FBXL13: variants seen among roughly 807,000 people sequenced by gnomAD.
The protein encoded by FBXL13 is F-box and leucine-rich repeat protein 13.
In FBXL13, 67 loss-of-function variants were observed where a neutral mutation model predicts 83.6. The observed-to-expected ratio is 0.80, with a 90% confidence interval of 0.66 to 0.98. The LOEUF is 0.98. FBXL13 is among the 50% of genes least tolerant of loss of function. The pLI, the probability that FBXL13 is intolerant of heterozygous loss-of-function variation, is 0.00. For synonymous variants in FBXL13, 272 were observed against 299.5 expected, an observed-to-expected ratio of 0.91 and a Z score of 0.95; for missense variants, 822 against 866.5, an observed-to-expected ratio of 0.95 and a Z score of 0.64.
At chr7:102,843,930 C>CA (rs1194228425) in intron 17 of FBXL13, among the ~76,000 whole-genome samples, 2 of 152,266 alleles carry the variant, frequency 1.3e-5, no homozygotes, top group East Asian at 3.9e-4. Context: ...AAGCCGAAGT[C>CA]AGATACCTAA....
intron 8 of FBXL13, among the ~76,000 whole-genome samples, chr7:102,955,459 C>G (rs1824098365): frequency 6.6e-6 from 1 of 151,842 alleles, no homozygotes; most frequent in South Asian, 2.1e-4. Context: ...AATCGACACC[C>G]TAACATCACA....
At chr7:102,939,597 TGTATAGCCCCTTC>T in intron 8 of FBXL13, 1 of 1,597,220 alleles carries the variant, frequency 6.3e-7, no homozygotes, top group South Asian at 1.1e-5. Context: ...TAAGTTCCCC[TGTATAGCCCCTTC>T]AATGGGTGGC....
In FBXL13 at chr7:103,019,932, C is replaced by G. The variant is rs149389881; in HGVS notation, c.495+5131G>C. Among the ~76,000 whole-genome samples, 695 of 152,280 alleles carry G rather than the reference C, an allele frequency of 4.6e-3. 3 individuals carry two copies. The highest frequency in any genetic ancestry group is 8.1e-3 in the Non-Finnish European group (554 of 68,008). ...TGGTACCATTCCTTCTGAAACTATT[C>G]CAATCAACAGAAAAAGAGGGAACAA... is the stretch of plus-strand genomic sequence containing the variant. On this transcript the variant is annotated intron_variant, in intron 6 of 19. Transcript: ENST00000313221.
chr7:102,981,405 C>CAAATGCCT (rs1405321800), intron 6 of FBXL13, among the ~76,000 whole-genome samples: 2 of 14,266 alleles, frequency 1.4e-4, no homozygotes, highest in African/African-American at 3.3e-4. Flanking sequence ...ACACCTTTCC[C>CAAATGCCT]CCCCTTACCC....
rs186433647 is a variant in FBXL13 at position 102,944,817 on chromosome 7, T to C, written c.725-12884A>G. The C allele has an allele frequency of 2.0e-4, 99 of 489,784 alleles. No homozygotes were observed. The East Asian group carries it at 3.3e-3, about 17-fold the overall frequency. 30.3% of individuals were successfully genotyped at this position (489,784 alleles called of 1,614,324 possible). ...GCCTGTCCATTTGTGGAACAGCATC[T>C]GGTGATATGCAATTCCACACTGGTA... On this transcript the variant is annotated intron_variant, in intron 8 of 19. Coordinates refer to ENST00000313221, the Ensembl canonical transcript of FBXL13.
intron 3 of FBXL13, among the ~76,000 whole-genome samples, 180 bp downstream of exon 4, chr7:103,029,171 T>C (rs953766904): frequency 6.6e-6 from 1 of 152,024 alleles, no homozygotes; most frequent in Non-Finnish European, 1.5e-5. Flanking sequence ...AGAAGTAAAA[T>C]ACATATTTTA....
chr7:103,028,665 C>A, exon 4 of FBXL13: 1 of 1,603,260 alleles, frequency 6.2e-7, no homozygotes, highest in Non-Finnish European at 8.5e-7. Context: ...TTTTTGAAGT[C>A]TGAAATTGTA....
rs374092263 is a variant in FBXL13, at chr7:102,942,306, C to A, written c.725-10373G>T. 7 of 1,598,386 alleles carry A rather than the reference C, an allele frequency of 4.4e-6. No homozygotes were observed. The East Asian group carries it at 1.6e-4, about 37-fold the overall frequency. On this transcript the variant is annotated intron_variant, in intron 8 of 19. Transcript: ENST00000313221. ...ATATTTCAGGGTCTTTGAGATGAAA[C>A]CCTGCAAGTAGACTTACGTGAATGA...
At chr7:102,983,313 AAAG>A (rs1279111581) in intron 6 of FBXL13, among the ~76,000 whole-genome samples, 21 of 152,262 alleles carry the variant, frequency 1.4e-4, no homozygotes, top group African/African-American at 4.6e-4. Flanking sequence ...TTCCACTAGC[AAAG>A]AAGACTCACC....
chr7:103,044,898 C>T (rs1796114095), intron 2 of FBXL13, among the ~76,000 whole-genome samples: 1 of 152,138 alleles, frequency 6.6e-6, no homozygotes, highest in Non-Finnish European at 1.5e-5. Context: ...TACTATTTGG[C>T]TTACTCACAG....
intron 17 of FBXL13, among the ~76,000 whole-genome samples, chr7:102,853,046 C>G (rs1484139554): frequency 2.0e-5 from 3 of 152,098 alleles, no homozygotes; most frequent in African/African-American, 2.4e-5. Flanking sequence ...AATTGGAGAC[C>G]ATTATTCTAA....
intron 2 of FBXL13, among the ~76,000 whole-genome samples, chr7:103,041,574 T>A (rs563013737): frequency 5.3e-5 from 8 of 152,264 alleles, no homozygotes; most frequent in Admixed American, 3.9e-4. Context: ...AAATCCTTAA[T>A]AAAATACTGG....
chr7:103,008,837 C>T (rs1282499923), intron 6 of FBXL13, among the ~76,000 whole-genome samples: 9 of 152,136 alleles, frequency 5.9e-5, no homozygotes, highest in African/African-American at 1.4e-4. Context: ...GGATTACAGG[C>T]GTGAGCCACC....
chr7:102,865,386 A>G (rs951981006), intron 16 of FBXL13, among the ~76,000 whole-genome samples: 1 of 152,218 alleles, frequency 6.6e-6, no homozygotes, highest in Non-Finnish European at 1.5e-5. Context: ...ATTCACTGAT[A>G]ATACTGTCAT....
At chr7:102,982,325 G>A (rs1828350716) in intron 6 of FBXL13, among the ~76,000 whole-genome samples, 1 of 152,140 alleles carries the variant, frequency 6.6e-6, no homozygotes, top group South Asian at 2.1e-4. Flanking sequence ...GTTACTAGGG[G>A]TAATAGTGAG....
At chr7:103,067,049 AT>A (rs1037944935) in intron 1 of FBXL13, among the ~76,000 whole-genome samples, 146 of 145,198 alleles carry the variant, frequency 1.0e-3, no homozygotes, top group Middle Eastern at 3.5e-3. Context: ...CCTCCCAAGA[AT>A]TTTTTTTTTT....
intron 9 of FBXL13, among the ~76,000 whole-genome samples, chr7:102,930,649 T>C (rs1205585408): frequency 6.6e-6 from 1 of 152,248 alleles, no homozygotes; most frequent in Non-Finnish European, 1.5e-5. Flanking sequence ...CATTTTGTGA[T>C]ACCTCTTCAT....
intron 1 of FBXL13, among the ~76,000 whole-genome samples, chr7:103,072,637 A>G (rs1052730729): frequency 3.9e-5 from 6 of 152,188 alleles, no homozygotes; most frequent in African/African-American, 1.4e-4. Context: ...TCACAGACTG[A>G]GCCATCACTC....
chr7:102,899,067 C>T (rs759778193), intron 11 of FBXL13, among the ~76,000 whole-genome samples: 6 of 152,120 alleles, frequency 3.9e-5, no homozygotes, highest in South Asian at 2.1e-4. Context: ...AGACTTGCGC[C>T]GCCATACTTG....
Sources: gnomAD v4.1 joint callset for allele counts (sites outside exome capture counted in the v4.1 genomes callset) on GRCh38, gnomAD v4.1.1 for gene constraint, MANE v1.5 for transcripts, NCBI Gene and HGNC (gene_info 2026-07-23, HGNC 2026-07-21) for gene names.